Variants in TUSC3 observed in about 807,000 individuals in gnomAD.
TUSC3 encodes tumor suppressor candidate 3, also known as dolichyl-diphosphooligosaccharide--protein glycosyltransferase subunit TUSC3.
A neutral mutation model predicts 44.8 loss-of-function variants in TUSC3; 45 were observed. The ratio of observed to expected loss-of-function variants is 1.00; its 90% confidence interval spans 0.79 to 1.29. The LOEUF is 1.29. TUSC3 is among the 50% of genes most tolerant of loss of function. The pLI is 0.00. For synonymous variants in TUSC3, 212 were observed against 152.9 expected (o/e 1.39, Z -2.85); for missense variants, 519 against 437.9 (o/e 1.19, Z -1.65).
chr8:15,663,382 A>G (rs765928629), intron 5 of TUSC3, among the ~76,000 whole-genome samples: 1 of 151,822 alleles, frequency 6.6e-6, no homozygotes, highest in East Asian at 1.9e-4. Context: ...GTTTACAGCT[A>G]ATTGTCAGTT....
intron 2 of TUSC3, among the ~76,000 whole-genome samples, chr8:15,505,428 T>C (rs1215606491): frequency 6.6e-6 from 1 of 152,258 alleles, no homozygotes; most frequent in Non-Finnish European, 1.5e-5. Context: ...TTAATTTGAG[T>C]GTTAATTGCT....
chr8:15,609,368 G>A (rs115245589), intron 1 of TUSC3, among the ~76,000 whole-genome samples: 112 of 152,256 alleles, frequency 7.4e-4, no homozygotes, highest in African/African-American at 2.6e-3. Flanking sequence ...TAGTCATCTT[G>A]TCTGGATCTG....
chr8:15,740,091 A>C (rs937283797), intron 7 of TUSC3, among the ~76,000 whole-genome samples: 1 of 152,168 alleles, frequency 6.6e-6, no homozygotes, highest in African/African-American at 2.4e-5. Flanking sequence ...ACAATTTTAT[A>C]ATAAAAAAAA....
intron 1 of TUSC3, among the ~76,000 whole-genome samples, chr8:15,622,572 T>C (rs1195523325): frequency 6.6e-6 from 1 of 152,248 alleles, no homozygotes. Flanking sequence ...TAATGACTTT[T>C]AGCACAGTAC....
intron 2 of TUSC3, among the ~76,000 whole-genome samples, chr8:15,535,156 A>G (rs1801504758): frequency 6.6e-6 from 1 of 152,238 alleles, no homozygotes; most frequent in African/African-American, 2.4e-5. Flanking sequence ...ATTCAAATAA[A>G]TAGAATGATA....
At chr8:15,637,525 T>G (rs1439290827) in intron 2 of TUSC3, among the ~76,000 whole-genome samples, 1 of 152,216 alleles carries the variant, frequency 6.6e-6, no homozygotes, top group Non-Finnish European at 1.5e-5. Context: ...TTGGAGTATT[T>G]TGTTTCAGTT....
intron 1 of TUSC3, among the ~76,000 whole-genome samples, chr8:15,553,540 G>A (rs1802129452): frequency 9.9e-6 from 1 of 101,398 alleles, no homozygotes; most frequent in African/African-American, 3.5e-5. Context: ...TGTCACAGGA[G>A]GAGAATGTTC....
chr8:15,425,733 A>T (rs1323141769), intron 1 of TUSC3, among the ~76,000 whole-genome samples: 1 of 152,242 alleles, frequency 6.6e-6, no homozygotes, highest in Non-Finnish European at 1.5e-5. Flanking sequence ...CTTTGATCTC[A>T]TGGCTAGAAA....
intron 1 of TUSC3, among the ~76,000 whole-genome samples, chr8:15,573,611 G>T (rs1344609311): frequency 6.6e-6 from 1 of 151,962 alleles, no homozygotes; most frequent in Non-Finnish European, 1.5e-5. Flanking sequence ...AACTCAGTGG[G>T]TTGGTGTCAC....
chr8:15,512,002 T>A (rs1249733867), intron 2 of TUSC3, among the ~76,000 whole-genome samples: 1 of 152,120 alleles, frequency 6.6e-6, no homozygotes, highest in Non-Finnish European at 1.5e-5. Flanking sequence ...TGTTTAGAAA[T>A]TGACAAGCTG....
intron 1 of TUSC3, among the ~76,000 whole-genome samples, chr8:15,594,984 A>G (rs1450375188): frequency 1.3e-5 from 2 of 152,050 alleles, no homozygotes; most frequent in East Asian, 3.9e-4. Flanking sequence ...CCTAGGTTTT[A>G]TACTTCGGGG....
At chr8:15,681,406 T>C (rs897592603) in intron 6 of TUSC3, among the ~76,000 whole-genome samples, 2 of 151,948 alleles carry the variant, frequency 1.3e-5, no homozygotes, top group African/African-American at 4.8e-5. Context: ...CTTGGAAGAG[T>C]GTATGTTTCC....
intron 1 of TUSC3, among the ~76,000 whole-genome samples, chr8:15,467,241 G>C (rs763602431): frequency 1.9e-4 from 27 of 143,530 alleles, no homozygotes; most frequent in Non-Finnish European, 3.3e-4. Context: ...ATTATCTACT[G>C]TCATTCAGTG....
intron 9 of TUSC3, among the ~76,000 whole-genome samples, chr8:15,750,575 T>C (rs575782002): frequency 6.6e-6 from 1 of 152,208 alleles, no homozygotes; most frequent in Non-Finnish European, 1.5e-5. Flanking sequence ...AATAACTCTC[T>C]ACTGCTCTGG....
chr8:15,435,942 G>T (rs1330774584), intron 1 of TUSC3, among the ~76,000 whole-genome samples: 2 of 152,174 alleles, frequency 1.3e-5, no homozygotes, highest in Non-Finnish European at 2.9e-5. Context: ...GGGTTTTGGA[G>T]AAGCTTTGTC....
chr8:15,587,705 A>C (rs1259911541), intron 1 of TUSC3, among the ~76,000 whole-genome samples: 1 of 151,872 alleles, frequency 6.6e-6, no homozygotes, highest in Non-Finnish European at 1.5e-5. Flanking sequence ...GTATTAACCA[A>C]CCTCACCCTA....
At chr8:15,840,716 C>G in the TUSC3 span, among the ~76,000 whole-genome samples, 2 of 152,010 alleles carry the variant, frequency 1.3e-5, no homozygotes, top group Non-Finnish European at 2.9e-5. Context: ...GCCTGTTTTT[C>G]TAGAGAAAAT....
At chr8:15,572,505 C>T (rs1014107061) in intron 1 of TUSC3, among the ~76,000 whole-genome samples, 1 of 152,148 alleles carries the variant, frequency 6.6e-6, no homozygotes, top group African/African-American at 2.4e-5. Flanking sequence ...TGCTTTCTTA[C>T]CATTGATGTG....
intron 2 of TUSC3, among the ~76,000 whole-genome samples, chr8:15,515,127 G>C (rs530168266): frequency 5.9e-5 from 9 of 152,104 alleles, no homozygotes; most frequent in African/African-American, 2.2e-4. Context: ...GAAAAGTTTT[G>C]AAATCAGAAA....
Sources: allele counts gnomAD v4.1 joint callset (sites outside exome capture counted in the v4.1 genomes callset), GRCh38; gene constraint gnomAD v4.1.1; transcripts MANE v1.5; gene names NCBI Gene and HGNC (gene_info 2026-07-23, HGNC 2026-07-21).